Variants in CDH4 observed in about 807,000 individuals in gnomAD.
The protein encoded by CDH4 is cadherin-4.
A neutral mutation model predicts 86.0 loss-of-function variants in CDH4; 33 were observed. The ratio of observed to expected loss-of-function variants is 0.38; its 90% CI spans 0.29 to 0.51. The LOEUF (loss-of-function observed/expected upper bound fraction) is 0.51. Ranked by LOEUF, CDH4 falls within the 20% of genes least tolerant of loss-of-function variation. The probability of loss-of-function intolerance (pLI) is 0.86; values close to 1 mark genes in which losing one functional copy is unlikely to be tolerated. For missense variants in CDH4, 1,114 were observed against 1,307.4 expected, an observed-to-expected ratio of 0.85 and a Z score of 2.28; for synonymous variants, 555 against 549.4, an observed-to-expected ratio of 1.01 and a Z score of -0.14.
At chr20:61,526,878 G>T (rs908334955) in intron 2 of CDH4, among the ~76,000 whole-genome samples, 1 of 152,190 alleles carries the variant, frequency 6.6e-6, no homozygotes, top group Non-Finnish European at 1.5e-5. Flanking sequence ...ATGAGCAACT[G>T]AAAAATTAAC....
At chr20:61,843,252 C>A (rs1982258300) in intron 4 of CDH4, among the ~76,000 whole-genome samples, 2 of 151,272 alleles carry the variant, frequency 1.3e-5, no homozygotes, top group Admixed American at 1.3e-4. Flanking sequence ...AGATCGAGAC[C>A]ATCCTGGCTA....
intron 2 of CDH4, among the ~76,000 whole-genome samples, chr20:61,520,646 C>T (rs1271960512): frequency 2.0e-5 from 3 of 152,204 alleles, no homozygotes; most frequent in Non-Finnish European, 4.4e-5. Context: ...CTCTTTCATC[C>T]TCTGAGCAGC....
At chr20:61,426,556 C>T (rs967557027) in intron 2 of CDH4, among the ~76,000 whole-genome samples, 3 of 152,198 alleles carry the variant, frequency 2.0e-5, no homozygotes, top group Non-Finnish European at 4.4e-5. Context: ...TTCCCCGTCA[C>T]CTGCCTTTCC....
chr20:61,509,242 C>G (rs1353170586), intron 2 of CDH4, among the ~76,000 whole-genome samples: 1 of 151,908 alleles, frequency 6.6e-6, no homozygotes, highest in Non-Finnish European at 1.5e-5. Context: ...AGCAGAATCC[C>G]CAGCTCTCAG....
At chr20:61,490,576 G>A (rs1350618524) in intron 2 of CDH4, among the ~76,000 whole-genome samples, 1 of 151,870 alleles carries the variant, frequency 6.6e-6, no homozygotes, top group Non-Finnish European at 1.5e-5. Flanking sequence ...GTGGGTGCCT[G>A]TAATCCCAGC....
intron 6 of CDH4, among the ~76,000 whole-genome samples, chr20:61,853,671 TG>T (rs1001752980): frequency 3.2e-4 from 48 of 152,276 alleles, no homozygotes; most frequent in African/African-American, 9.4e-4. Context: ...AGGGCGCACA[TG>T]GGTTAGAACC....
At chr20:61,388,703 G>A (rs749619804) in intron 2 of CDH4, among the ~76,000 whole-genome samples, 7 of 152,308 alleles carry the variant, frequency 4.6e-5, no homozygotes, top group Non-Finnish European at 1.0e-4. Context: ...ACAGCAGGGG[G>A]ATGCTGGCTA....
rs752184485 is a variant in CDH4 at position 61,907,639 on chromosome 20, CGT to C, written c.1189-2779_1189-2778del. ...GATCTGACTCCTGGGCGGCTCAAAA[CGT>C]GTGATGAAGGGAAGACAGAGTGAGT... On this transcript the variant is annotated intron_variant, in intron 8 of 15. Coordinates refer to ENST00000614565, the MANE Select transcript of CDH4 (RefSeq NM_001794.5). Among the ~76,000 whole-genome samples the C allele has an allele frequency of 1.5e-3, 232 of 152,242 alleles. 9 individuals carry two copies. The highest frequency in any genetic ancestry group is 3.4e-3 in the Middle Eastern group (1 of 294).
intron 2 of CDH4, among the ~76,000 whole-genome samples, chr20:61,628,679 G>A (rs952576546): frequency 7.9e-5 from 12 of 152,146 alleles, no homozygotes; most frequent in African/African-American, 2.7e-4. Context: ...CCCGCCCAGC[G>A]GGTCTGTTGA....
At position 61,656,256 on chromosome 20, in the gene CDH4, G is replaced by GGCGGGCAGGCGC. The variant is rs1568737224; in HGVS notation, c.170-87306_170-87305insCGGGCAGGCGCG. Reference sequence around the variant, plus strand: ...GCTGGGGTGGGCAGGCGCGTGCTGGGGTGGGCAGGCGCGTGCTGGGGTGGG... The same window carrying GGCGGGCAGGCGC: ...GCTGGGGTGGGCAGGCGCGTGCTGGGGCGGGCAGGCGCGTGGGCAGGCGCGTGCTGGGGTGGG... On this transcript the variant is annotated intron_variant, in intron 2 of 15. Transcript: ENST00000614565. Among the ~76,000 whole-genome samples the GGCGGGCAGGCGC allele has an allele frequency of 1.5e-3, 216 of 143,576 alleles. 5 individuals carry two copies. The highest frequency in any genetic ancestry group is 5.3e-3 in the African/African-American group (203 of 38,192). The allele number at this position is 143,576 out of a possible 152,430, so 94.2% of individuals were successfully genotyped here.
At chr20:61,853,620 A>G (rs979211628) in intron 6 of CDH4, among the ~76,000 whole-genome samples, 1 of 152,194 alleles carries the variant, frequency 6.6e-6, no homozygotes, top group African/African-American at 2.4e-5. Context: ...ACCAGCAGTG[A>G]GGAGGCTCAG....
chr20:61,272,533 A>G (rs1235294065), intron 2 of CDH4, among the ~76,000 whole-genome samples: 1 of 152,234 alleles, frequency 6.6e-6, no homozygotes, highest in Non-Finnish European at 1.5e-5. Flanking sequence ...CTTAAATGCC[A>G]TATGGGTCAA....
At chr20:61,836,293 T>A (rs746705698) in intron 4 of CDH4, among the ~76,000 whole-genome samples, 1 of 152,184 alleles carries the variant, frequency 6.6e-6, no homozygotes. Context: ...ATGCCAAAAA[T>A]TCAGGAGGTG....
At chr20:61,366,949 A>G (rs573871538) in intron 2 of CDH4, among the ~76,000 whole-genome samples, 1 of 152,120 alleles carries the variant, frequency 6.6e-6, no homozygotes, top group East Asian at 1.9e-4. Flanking sequence ...GCCCTGGACA[A>G]CTGGAGCTTG....
intron 2 of CDH4, among the ~76,000 whole-genome samples, chr20:61,569,144 C>T (rs1022392955): frequency 7.2e-5 from 11 of 152,186 alleles, no homozygotes; most frequent in Admixed American, 7.2e-4. Context: ...AACTGGCCTT[C>T]CCCGAACCTT....
chr20:61,325,224 A>G (rs1291178839), intron 2 of CDH4, among the ~76,000 whole-genome samples: 1 of 146,212 alleles, frequency 6.8e-6, no homozygotes, highest in Non-Finnish European at 1.5e-5. Context: ...GGTCACTGGA[A>G]AAAAAAAAAA....
chr20:61,897,741 G>A (rs189267811), intron 8 of CDH4, among the ~76,000 whole-genome samples: 61 of 152,322 alleles, frequency 4.0e-4, no homozygotes, highest in African/African-American at 1.2e-3. Context: ...CTGCAGCCTC[G>A]TGCGCCTCCC....
At chr20:61,565,118 GCTC>G (rs1568688106) in intron 2 of CDH4, among the ~76,000 whole-genome samples, 2 of 140,906 alleles carry the variant, frequency 1.4e-5, no homozygotes, top group Non-Finnish European at 3.2e-5. Context: ...TGGTGCTGGT[GCTC>G]TTGGTGGTGC....
At chr20:61,548,996 G>A (rs372057777) in intron 2 of CDH4, among the ~76,000 whole-genome samples, 18 of 151,698 alleles carry the variant, frequency 1.2e-4, no homozygotes, top group East Asian at 9.7e-4. Flanking sequence ...GGGGAGAGGC[G>A]GGTGGAAGCC....
Sources: allele counts gnomAD v4.1 joint callset (sites outside exome capture counted in the v4.1 genomes callset), GRCh38; gene constraint gnomAD v4.1.1; transcripts MANE v1.5; gene names NCBI Gene and HGNC (gene_info 2026-07-23, HGNC 2026-07-21).